Variants in MACROD2 observed in about 807,000 individuals in gnomAD.
MACROD2 encodes ADP-ribose glycohydrolase MACROD2.
MACROD2 carries 36 observed loss-of-function variants against 70.4 expected under a neutral mutation model. The observed-to-expected ratio is 0.51, with a 90% CI of 0.39 to 0.68. The LOEUF (loss-of-function observed/expected upper bound fraction) is 0.68, where lower values mean the gene tolerates loss of function less well. Ranked by LOEUF, MACROD2 falls within the 30% of genes least tolerant of loss-of-function variation. The pLI, the probability that MACROD2 is intolerant of heterozygous loss-of-function variation, is 0.00. For synonymous variants in MACROD2, 172 were observed against 178.8 expected, an observed-to-expected ratio of 0.96 and a Z score of 0.30; for missense variants, 496 against 538.4, an observed-to-expected ratio of 0.92 and a Z score of 0.78.
intron 4 of MACROD2, among the ~76,000 whole-genome samples, chr20:14,614,372 G>A (rs1216839382): frequency 6.6e-6 from 1 of 152,096 alleles, no homozygotes; most frequent in Non-Finnish European, 1.5e-5. Flanking sequence ...GAATCACCTG[G>A]GGAGTTGGTG....
At chr20:15,990,017 A>G (rs78664924) in intron 15 of MACROD2, among the ~76,000 whole-genome samples, 2,325 of 152,262 alleles carry the variant, frequency 0.015, 55 homozygotes, top group African/African-American at 0.053. Context: ...TTTTGAAAAG[A>G]AGGAAAAATA....
At position 14,650,380 on chromosome 20, in the gene MACROD2, T is replaced by C. The variant is rs73260863; in HGVS notation, c.302-34463T>C. Among the ~76,000 whole-genome samples, 239 of 152,348 alleles carry C rather than the reference T, an allele frequency of 1.6e-3. 1 individual carries two copies. The highest frequency in any genetic ancestry group is 5.3e-3 in the African/African-American group (222 of 41,590). Reference sequence around the variant, plus strand: ...TCTAAATGAAATTGATCTTGATCTATTACTTTACCCTAGGCTGGAGAAACA... The same window carrying C: ...TCTAAATGAAATTGATCTTGATCTACTACTTTACCCTAGGCTGGAGAAACA... On this transcript the variant is annotated intron_variant, in intron 4 of 17. Transcript: ENST00000684519.
chr20:14,315,334 G>A lies in MACROD2; in HGVS notation c.272-178145G>A, dbSNP rs946552214. Among the ~76,000 whole-genome samples the A allele has an allele frequency of 5.3e-5, 8 of 152,198 alleles. No homozygotes were observed. In the South Asian group the frequency reaches 8.3e-4, roughly 16 times the overall value. ...ACTCTACATTTGCAGAGTGGCTTAC[G>A]GTTTACAAAGAGCTTTCACCAAGAT... On this transcript the variant is annotated intron_variant, in intron 3 of 17. Transcript: ENST00000684519.
chr20:14,498,194 GGGTGATA>G (rs1242918893), intron 4 of MACROD2, among the ~76,000 whole-genome samples: 9 of 151,622 alleles, frequency 5.9e-5, no homozygotes, highest in African/African-American at 2.2e-4. Flanking sequence ...ATTATAACCT[GGGTGATA>G]GGTGATAGGT....
intron 3 of MACROD2, among the ~76,000 whole-genome samples, chr20:14,446,212 T>C (rs1377590034): frequency 6.6e-6 from 1 of 151,990 alleles, no homozygotes; most frequent in Non-Finnish European, 1.5e-5. Flanking sequence ...TTGCTTGGTG[T>C]TGGATGGAAT....
intron 8 of MACROD2, among the ~76,000 whole-genome samples, chr20:15,714,289 T>C (rs2050675679): frequency 6.6e-6 from 1 of 152,224 alleles, no homozygotes; most frequent in African/African-American, 2.4e-5. Flanking sequence ...TCACTGGAAA[T>C]GGGATTCTTT....
chr20:14,215,214 A>G (rs1470338348), intron 3 of MACROD2, among the ~76,000 whole-genome samples: 2 of 150,484 alleles, frequency 1.3e-5, no homozygotes, highest in African/African-American at 4.9e-5. Flanking sequence ...ATTCCATCAT[A>G]TATATATTTT....
intron 8 of MACROD2, among the ~76,000 whole-genome samples, chr20:15,528,701 A>G (rs1049748612): frequency 2.8e-5 from 4 of 142,476 alleles, no homozygotes; most frequent in Non-Finnish European, 1.5e-5. Context: ...AAAATATCTC[A>G]TTTGTTCCTT....
At chr20:14,412,181 C>G (rs1444722755) in intron 3 of MACROD2, among the ~76,000 whole-genome samples, 6 of 152,196 alleles carry the variant, frequency 3.9e-5, no homozygotes, top group Non-Finnish European at 7.4e-5. Flanking sequence ...CAGGTTCTAT[C>G]TAGGCCTTAA....
chr20:14,398,405 C>T (rs1365390872), intron 3 of MACROD2, among the ~76,000 whole-genome samples: 3 of 91,584 alleles, frequency 3.3e-5, no homozygotes, highest in African/African-American at 8.4e-5. Flanking sequence ...TCCTTGCCAG[C>T]ATTTTTTTTT....
chr20:15,075,493 T>G (rs1190707176), intron 5 of MACROD2, among the ~76,000 whole-genome samples: 2 of 152,148 alleles, frequency 1.3e-5, no homozygotes, highest in East Asian at 3.9e-4. Flanking sequence ...TAGGACAGAC[T>G]TCAGGGCTGT....
chr20:15,264,473 C>T (rs1220599621), intron 6 of MACROD2, among the ~76,000 whole-genome samples: 1 of 152,040 alleles, frequency 6.6e-6, no homozygotes, highest in Non-Finnish European at 1.5e-5. Flanking sequence ...CACATGAGGT[C>T]CCACAGAGTG....
chr20:14,760,987 G>C (rs2072008360), intron 5 of MACROD2, among the ~76,000 whole-genome samples: 2 of 151,882 alleles, frequency 1.3e-5, no homozygotes, highest in Admixed American at 1.3e-4. Flanking sequence ...TTGCAGTATC[G>C]AGGCTGTTAG....
At chr20:14,508,990 T>C (rs2084999688) in intron 4 of MACROD2, among the ~76,000 whole-genome samples, 1 of 152,182 alleles carries the variant, frequency 6.6e-6, no homozygotes, top group Admixed American at 6.5e-5. Context: ...TTTATGTATT[T>C]GCACTCAATG....
chr20:14,524,252 T>G (rs1357396440), intron 4 of MACROD2, among the ~76,000 whole-genome samples: 1 of 152,324 alleles, frequency 6.6e-6, no homozygotes, highest in African/African-American at 2.4e-5. Flanking sequence ...TGGTGAAAAT[T>G]TTTTAAAACT....
intron 6 of MACROD2, among the ~76,000 whole-genome samples, chr20:15,405,307 T>G (rs2045985160): frequency 6.6e-6 from 1 of 152,218 alleles, no homozygotes; most frequent in African/African-American, 2.4e-5. Flanking sequence ...TATGTGAATT[T>G]CATCTCAATG....
At chr20:15,937,047 A>G (rs958217532) in intron 11 of MACROD2, among the ~76,000 whole-genome samples, 1 of 152,162 alleles carries the variant, frequency 6.6e-6, no homozygotes, top group Non-Finnish European at 1.5e-5. Context: ...ACAGCCTGGC[A>G]TAATGGAGCA....
chr20:14,816,125 C>T (rs993378441), intron 5 of MACROD2, among the ~76,000 whole-genome samples: 1 of 151,964 alleles, frequency 6.6e-6, no homozygotes, highest in African/African-American at 2.4e-5. Context: ...CCTCAGTTTA[C>T]TATTCCTTCC....
At chr20:14,577,241 A>C (rs951431263) in intron 4 of MACROD2, among the ~76,000 whole-genome samples, 1 of 152,236 alleles carries the variant, frequency 6.6e-6, no homozygotes, top group Non-Finnish European at 1.5e-5. Flanking sequence ...GCTATATGTG[A>C]GTATCTTATA....
Sources: allele counts gnomAD v4.1 joint callset (sites outside exome capture counted in the v4.1 genomes callset), GRCh38; gene constraint gnomAD v4.1.1; transcripts MANE v1.5; gene names NCBI Gene and HGNC (gene_info 2026-07-23, HGNC 2026-07-21).